SPOCK3: variants seen among roughly 807,000 people sequenced by gnomAD.
SPOCK3 encodes testican-3.
Under a neutral mutation model 56.6 loss-of-function variants are expected in SPOCK3, and 30 were observed. The observed-to-expected ratio is 0.53, with a 90% confidence interval of 0.40 to 0.72. The LOEUF is 0.72. Ranked by LOEUF, SPOCK3 falls within the 30% of genes least tolerant of loss-of-function variation. The probability of loss-of-function intolerance (pLI) is 0.00; values close to 1 mark genes in which losing one functional copy is unlikely to be tolerated. For missense variants in SPOCK3, 527 were observed against 530.0 expected (o/e 0.99, Z 0.06); for synonymous variants, 196 against 183.3 (o/e 1.07, Z -0.56).
chr4:167,051,503 C>T (rs1412233478), intron 3 of SPOCK3, among the ~76,000 whole-genome samples: 1 of 152,188 alleles, frequency 6.6e-6, no homozygotes, highest in Admixed American at 6.5e-5. Context: ...TCAGGAAGGA[C>T]ATGGGCAGAC....
rs1748054473 is a variant in SPOCK3 at position 166,846,284 on chromosome 4, A to G, written c.589+42846T>C. On this transcript the variant is annotated intron_variant, in intron 6 of 10. Coordinates refer to ENST00000357545, the MANE Select transcript of SPOCK3 (RefSeq NM_001040159.2). ...AAAGGTGTAAGAATATAGCAAAAAA[A>G]TGTTTAGTATGTTTCTATCATTTGC... 3.3e-5 allele frequency among the ~76,000 whole-genome samples: 5 copies of G among 152,264 alleles called. No individual in the cohort carries two copies. In the South Asian group the frequency reaches 1.0e-3, roughly 31 times the overall value.
chr4:167,166,485 A>G (rs1561284900), intron 2 of SPOCK3, among the ~76,000 whole-genome samples: 1 of 152,094 alleles, frequency 6.6e-6, no homozygotes, highest in Admixed American at 6.6e-5. Context: ...TCTCAAGAGC[A>G]GGAAAATGTT....
At chr4:166,779,910 G>A (rs529059751) in intron 7 of SPOCK3, among the ~76,000 whole-genome samples, 91 of 152,106 alleles carry the variant, frequency 6.0e-4, no homozygotes, top group South Asian at 2.9e-3. Flanking sequence ...CTGGCATCTC[G>A]TCAGAAATTT....
At chr4:166,853,360 A>T (rs1261952077) in intron 6 of SPOCK3, among the ~76,000 whole-genome samples, 1 of 152,206 alleles carries the variant, frequency 6.6e-6, no homozygotes, top group African/African-American at 2.4e-5. Flanking sequence ...TTTATAACAT[A>T]AAAATGGAAA....
At chr4:166,834,558 C>G (rs972242233) in intron 6 of SPOCK3, among the ~76,000 whole-genome samples, 7 of 152,134 alleles carry the variant, frequency 4.6e-5, no homozygotes, top group Non-Finnish European at 8.8e-5. Flanking sequence ...AGGAGAAGCC[C>G]AAGTCTGCTT....
intron 6 of SPOCK3, among the ~76,000 whole-genome samples, chr4:166,851,350 A>G (rs1325951437): frequency 6.6e-6 from 1 of 152,228 alleles, no homozygotes; most frequent in Non-Finnish European, 1.5e-5. Flanking sequence ...AAAGTAGATA[A>G]AACCACAAAG....
intron 2 of SPOCK3, among the ~76,000 whole-genome samples, chr4:167,094,627 T>C (rs1758989689): frequency 6.6e-6 from 1 of 152,122 alleles, no homozygotes; most frequent in Admixed American, 6.6e-5. Flanking sequence ...AGTCAACATT[T>C]TAACTTGATA....
chr4:167,100,371 T>C (rs1446870337), intron 2 of SPOCK3, among the ~76,000 whole-genome samples: 1 of 151,812 alleles, frequency 6.6e-6, no homozygotes, highest in Non-Finnish European at 1.5e-5. Context: ...ATCCTGAAGG[T>C]ATCTCTTCCA....
chr4:166,910,238 G>A (rs1176675257), intron 5 of SPOCK3, among the ~76,000 whole-genome samples: 2 of 151,986 alleles, frequency 1.3e-5, no homozygotes, highest in African/African-American at 4.8e-5. Flanking sequence ...TAAAAATGAT[G>A]ATTTAGGGTT....
intron 2 of SPOCK3, among the ~76,000 whole-genome samples, chr4:167,131,810 G>A (rs894561454): frequency 2.7e-4 from 41 of 152,138 alleles, no homozygotes; most frequent in African/African-American, 9.2e-4. Flanking sequence ...TTTTTTTAAC[G>A]CTGCAAGAGA....
At chr4:167,207,327 A>T (rs1734445183) in intron 2 of SPOCK3, among the ~76,000 whole-genome samples, 1 of 152,064 alleles carries the variant, frequency 6.6e-6, no homozygotes, top group Non-Finnish European at 1.5e-5. Flanking sequence ...TACGACTCTC[A>T]GAGTCCTACC....
rs1235812457 is a variant in SPOCK3 at position 167,234,455 on chromosome 4, T to G, written c.-6A>C. 1 of 534,212 alleles carries G rather than the reference T, an allele frequency of 1.9e-6. No individual in the cohort carries two copies. The highest frequency in any genetic ancestry group is 3.4e-6 in the Non-Finnish European group (1 of 295,308). 33.1% of individuals were successfully genotyped at this position (534,212 alleles called of 1,614,324 possible). On this transcript the variant is annotated 5_prime_UTR_variant, in exon 1 of 11. Coordinates refer to ENST00000357545, the MANE Select transcript of SPOCK3 (RefSeq NM_001040159.2). ...ACCGCTTCCTGGCACATCACCTTGT[T>G]GTGAGCCAGCACTGTGCTCGCAGCT... is the stretch of plus-strand genomic sequence containing the variant.
At position 166,736,921 on chromosome 4, in the gene SPOCK3, AAGAATT is replaced by A. The variant is rs1435691907; in HGVS notation, c.1132+540_1132+545del. On this transcript the variant is annotated intron_variant, in intron 10 of 10. Coordinates refer to ENST00000357545, the MANE Select transcript of SPOCK3 (RefSeq NM_001040159.2). ...ACATAAAAAATGCATGTTCCTAAAA[AAGAATT>A]AGAATATTAGCTATAATTCCCTTTA... Among the ~76,000 whole-genome samples the A allele has an allele frequency of 2.0e-5, 3 of 152,274 alleles. No homozygotes were observed. The East Asian group carries it at 5.8e-4, about 29-fold the overall frequency.
chr4:166,743,056 C>T (rs1735069508), intron 8 of SPOCK3, among the ~76,000 whole-genome samples: 1 of 151,950 alleles, frequency 6.6e-6, no homozygotes, highest in Non-Finnish European at 1.5e-5. Context: ...ACAAGTGGTC[C>T]TGAGATCGAT....
intron 3 of SPOCK3, among the ~76,000 whole-genome samples, chr4:167,059,657 T>C (rs2150240350): frequency 6.6e-6 from 1 of 152,214 alleles, no homozygotes; most frequent in South Asian, 2.1e-4. Context: ...ACTGGGTATA[T>C]ACCCAAAGGA....
intron 2 of SPOCK3, among the ~76,000 whole-genome samples, chr4:167,073,495 T>C (rs1199072898): frequency 1.3e-5 from 2 of 151,820 alleles, no homozygotes; most frequent in East Asian, 1.9e-4. Flanking sequence ...GTGCTTTTTT[T>C]CCCCTCTAGT....
At chr4:166,923,628 T>C (rs542744112) in intron 4 of SPOCK3, among the ~76,000 whole-genome samples, 68 of 152,308 alleles carry the variant, frequency 4.5e-4, no homozygotes, top group Middle Eastern at 3.4e-3. Context: ...TTGGGACTCA[T>C]ACATTGCCCA....
chr4:166,805,197 G>T (rs1560877248), intron 6 of SPOCK3, among the ~76,000 whole-genome samples: 1 of 151,914 alleles, frequency 6.6e-6, no homozygotes, highest in Non-Finnish European at 1.5e-5. Flanking sequence ...CACAATAGAA[G>T]TACACTGATA....
chr4:166,800,154 C>T (rs1196762838), intron 6 of SPOCK3, among the ~76,000 whole-genome samples: 8 of 131,016 alleles, frequency 6.1e-5, no homozygotes, highest in Non-Finnish European at 1.2e-4. Flanking sequence ...TGCACTCCAG[C>T]CTGGGCGACA....
Sources: gnomAD v4.1 joint callset for allele counts (sites outside exome capture counted in the v4.1 genomes callset) on GRCh38, gnomAD v4.1.1 for gene constraint, MANE v1.5 for transcripts, NCBI Gene and HGNC (gene_info 2026-07-23, HGNC 2026-07-21) for gene names.